MYO15A: variants seen among roughly 807,000 people sequenced by gnomAD.
MYO15A encodes unconventional myosin-XV.
MYO15A carries 308 observed loss-of-function variants against 394.6 expected under a neutral mutation model. The observed-to-expected ratio is 0.78, with a 90% CI of 0.71 to 0.86. The LOEUF (loss-of-function observed/expected upper bound fraction) is 0.86. MYO15A is among the 40% of genes least tolerant of loss of function. The pLI, the probability that MYO15A is intolerant of heterozygous loss-of-function variation, is 0.00. For missense variants in MYO15A, 4,606 were observed against 4,799.1 expected (o/e 0.96, Z 1.19); for synonymous variants, 1,957 against 2,003.8 (o/e 0.98, Z 0.62).
intron 63 of MYO15A, 28 bp from the exon 64 acceptor site, chr17:18,172,129 G>GT (rs1451655018): frequency 6.2e-7 from 1 of 1,613,706 alleles, no homozygotes; most frequent in Non-Finnish European, 8.5e-7. Flanking sequence ...TGCCCAGCAC[G>GT]TAACTGCCAC....
intron 10 of MYO15A, 109 bp downstream of exon 10, chr17:18,131,640 G>A (rs867318577): frequency 1.6e-5 from 21 of 1,290,286 alleles, no homozygotes; most frequent in African/African-American, 2.9e-5. Flanking sequence ...ATTAATGAAC[G>A]AATACATGCG....
At position 18,120,669 on chromosome 17, in the gene MYO15A, C is replaced by G; in HGVS notation, c.1869C>G (p.Gly623=). ...KLAGMDPEKP[G]TPIVLRRAQP... is the part of the protein sequence containing the mutation. ...CTGGCATGGACCCCGAGAAGCCCGG[C>G]ACGCCCATCGTGCTGAGGAGGGCCC... The change falls in exon 2 of 66, where the codon GGC becomes GGG. Residue 623 remains glycine, a synonymous_variant. Coordinates refer to ENST00000647165, the MANE Select transcript of MYO15A (RefSeq NM_016239.4). The G allele has an allele frequency of 6.3e-7, 1 of 1,584,934 alleles. No individual in the cohort carries two copies. Among genetic ancestry groups the G allele is most frequent in the East Asian group, 2.3e-5 (1 of 43,832 alleles).
chr17:18,121,020 GC>G lies in MYO15A; in HGVS notation c.2224del (p.Arg742AspfsTer39). 6.6e-7 allele frequency: 1 copy of G among 1,508,580 alleles called. No homozygotes were observed. The allele number at this position is 1,508,580 out of a possible 1,614,324, so 93.4% of individuals were successfully genotyped here. On this transcript the variant is annotated frameshift_variant, in exon 2 of 66. Coordinates refer to ENST00000647165, the MANE Select transcript of MYO15A (RefSeq NM_016239.4). LOFTEE classifies it high-confidence loss of function. The surrounding 1 kb of genome is among the most constrained non-coding windows in gnomAD (Gnocchi z 5.3). ...VPPDLLAFPG[P>X]RPSFRGSRRR... ...CCCCCGACCTACTAGCCTTCCCAGG[GC>G]CCCGACCCTCGTTCAGGGGCTCCCG...
At position 18,110,508 on chromosome 17, in the gene MYO15A, G is replaced by A. The variant is rs540865975; in HGVS notation, c.-220+1684G>A. ...CCGACTTCAGGAGGTTGTAGTGAGA[G>A]TTGAGGTCTGTGTGGCCTGGCCGTT... On this transcript the variant is annotated intron_variant, in intron 1 of 65. Coordinates refer to ENST00000647165, the MANE Select transcript of MYO15A (RefSeq NM_016239.4). The A allele has an allele frequency of 6.6e-5, 10 of 152,370 alleles. No homozygotes were observed. The East Asian group carries it at 1.9e-3, about 29-fold the overall frequency. 9.4% of individuals were successfully genotyped at this position (152,370 alleles called of 1,614,324 possible). A position where few individuals can be genotyped will look rare whatever the true frequency, so the allele number is the denominator to read the frequency against.
In MYO15A at chr17:18,151,150, C is replaced by T. The variant is rs2046573926; in HGVS notation, c.7514C>T (p.Thr2505Ile). Residue 2505 changes from threonine (T) to isoleucine (I), a missense_variant, in exon 39 of 66, where the codon ACC becomes ATC. Thr to Ile is a moderately conservative substitution (Grantham distance 89). This residue lies in a region of MYO15A where 2,776 missense variants were observed against 3,109.3 expected (regional missense o/e 0.89). Transcript: ENST00000647165. ...APEAQPTSVG[T>I]GPPAKPVLLR... Reference sequence around the variant, plus strand: ...GAGGCACAGCCGACGTCTGTAGGCACCGGTCCCCCTGCCAAACCCGTGCTC... The same window carrying T: ...GAGGCACAGCCGACGTCTGTAGGCATCGGTCCCCCTGCCAAACCCGTGCTC... 1.2e-6 allele frequency: 2 copies of T among 1,613,904 alleles called. No individual in the cohort carries two copies. The highest frequency in any genetic ancestry group is 1.7e-6 in the Non-Finnish European group (2 of 1,180,012).
chr17:18,141,620 A>G (rs776901350), intron 22 of MYO15A, 33 bp from the exon 23 acceptor site: 10 of 1,602,582 alleles, frequency 6.2e-6, no homozygotes, highest in Middle Eastern at 1.7e-4. Flanking sequence ...GGTAGGTCTC[A>G]TAGCCCCAGA....
At position 18,173,822 on chromosome 17, in the gene MYO15A, G is replaced by C; in HGVS notation, c.10392G>C (p.Thr3464=). The part of the protein sequence containing the change: ...VKFPLKEIQS[T]RTQRPTANSS... ...TCCCCCTGAAGGAGATCCAGTCGAC[G>C]CGGACCCAGCGGCCCACGGCCAACT... Residue 3464 remains threonine (T), a synonymous_variant, in exon 65 of 66, where the codon ACG becomes ACC. Transcript: ENST00000647165. 1.2e-6 allele frequency: 2 copies of C among 1,614,006 alleles called. No homozygotes were observed. The highest frequency in any genetic ancestry group is 2.7e-5 in the African/African-American group (2 of 75,064).
At chr17:18,139,840 G>T (rs1250621247) in intron 19 of MYO15A, among the ~76,000 whole-genome samples, 1 of 152,158 alleles carries the variant, frequency 6.6e-6, no homozygotes, top group East Asian at 1.9e-4. Flanking sequence ...GCTCCCCACA[G>T]CCCCAGTGGC....
intron 45 of MYO15A, 93 bp from the exon 46 acceptor site, chr17:18,155,017 C>T: frequency 8.2e-7 from 1 of 1,221,680 alleles, no homozygotes; most frequent in Admixed American, 2.0e-5. Context: ...TACCTTCTTG[C>T]TGGGTATCAG....
Position 18,119,008 on chromosome 17 carries a change from A to C in MYO15A, c.208A>C (p.Thr70Pro), listed in dbSNP as rs1567617999. The change falls in exon 2 of 66, where the codon ACC (threonine) becomes CCC (proline). Residue 70 changes from threonine (T) to proline (P), a missense_variant. Thr to Pro is a conservative substitution (Grantham distance 38, BLOSUM62 -1). Around this residue, in one of 2 missense-constraint regions of MYO15A, gnomAD observed 1,830 missense variants for 1,689.7 expected, o/e 1.08. Transcript: ENST00000647165. ...FWGLHTGPQK[T>P]KRKRKARTVL... ...GGGCCTCCACACCGGCCCCCAGAAG[A>C]CCAAGCGCAAGAGGAAGGCCCGCAC... 5 of 1,612,656 alleles carry C rather than the reference A, an allele frequency of 3.1e-6. No individual in the cohort carries two copies. The African/African-American group carries it at 5.3e-5, about 17-fold the overall frequency.
Position 18,166,405 on chromosome 17 carries a change from G to A in MYO15A, c.9832G>A (p.Val3278Met). The A allele has an allele frequency of 3.1e-6, 5 of 1,614,002 alleles. No individual in the cohort carries two copies. Among genetic ancestry groups the A allele is most frequent in the Non-Finnish European group, 4.2e-6 (5 of 1,180,040 alleles). Residue 3278 changes from valine to methionine, a missense_variant, in exon 61 of 66, where the codon GTG (valine) becomes ATG (methionine). Val to Met is a conservative substitution (Grantham distance 21). Around this residue, in one of 2 missense-constraint regions of MYO15A, gnomAD observed 2,776 missense variants for 3,109.3 expected, o/e 0.89. Coordinates refer to ENST00000647165, the MANE Select transcript of MYO15A (RefSeq NM_016239.4). ...CAGTCGCCGTGCTTACATCCTGGAT[G>A]TGGCCTCAGAGATGGAGCAGGTGGA... ...PLSRRAYILD[V>M]ASEMEQVDGG...
At chr17:18,151,025 A>G (rs1271823894) in intron 38 of MYO15A, 85 bp from the exon 39 acceptor site, 6 of 1,607,526 alleles carry the variant, frequency 3.7e-6, no homozygotes, top group Non-Finnish European at 4.2e-6. Context: ...GGAGCTCCAC[A>G]ACCCATCTCT....
chr17:18,138,141 C>T lies in MYO15A; in HGVS notation c.4902C>T (p.Asp1634=), dbSNP rs374829406. ...EQEEYIREQI[D]WQEITFADNQ... ...AGGAGTACATCCGTGAGCAGATAGA[C>T]TGGCAGGAGATCACCTTTGCTGACA... is the stretch of plus-strand genomic sequence containing the variant. The change falls in exon 17 of 66, where the codon GAC becomes GAT. Residue 1634 remains aspartate (D), a synonymous_variant. Coordinates refer to ENST00000647165, the MANE Select transcript of MYO15A (RefSeq NM_016239.4). 108 of 1,613,006 alleles carry T rather than the reference C, an allele frequency of 6.7e-5. No homozygotes were observed. Among genetic ancestry groups the T allele is most frequent in the Non-Finnish European group, 8.8e-5 (104 of 1,180,046 alleles).
At position 18,148,671 on chromosome 17, in the gene MYO15A, G is replaced by A; in HGVS notation, c.6765-90G>A. Reference sequence around the variant, plus strand: ...GTCCCATAGGGTCCATTCTGTTCATGTTTAGGGTCTGGCTTATAACCCAGG... The same window carrying A: ...GTCCCATAGGGTCCATTCTGTTCATATTTAGGGTCTGGCTTATAACCCAGG... On this transcript the variant is annotated intron_variant, in intron 32 of 65. Transcript: ENST00000647165. This position sits in a 1 kb window ranked among gnomAD's most constrained non-coding sequence, Gnocchi z 4.8. The A allele has an allele frequency of 1.9e-6, 3 of 1,546,850 alleles. No homozygotes were observed. Among genetic ancestry groups the A allele is most frequent in the East Asian group, 4.9e-5 (2 of 40,908 alleles).
chr17:18,168,188 CT>C (rs1293716414), intron 62 of MYO15A, among the ~76,000 whole-genome samples: 4 of 152,128 alleles, frequency 2.6e-5, no homozygotes, highest in Non-Finnish European at 4.4e-5. Context: ...TTTTCTCTTT[CT>C]TTTTTTAAAA....
At chr17:18,139,659 C>A (rs1323554003) in intron 19 of MYO15A, 48 bp downstream of exon 19, 1 of 1,416,616 alleles carries the variant, frequency 7.1e-7, no homozygotes, top group Non-Finnish European at 9.7e-7. Context: ...GGCATGTCCC[C>A]ACCCCCACAC....
In MYO15A at chr17:18,143,418, T is replaced by C. The variant is rs867921472; in HGVS notation, c.5911-148T>C. ...GCCAACCTCAGCCTCCCGCCCCACC[T>C]GTGGAGTGGGGCAGTCACCTCCACA... is the stretch of plus-strand genomic sequence containing the variant. On this transcript the variant is annotated intron_variant, in intron 25 of 65. Coordinates refer to ENST00000647165, the MANE Select transcript of MYO15A (RefSeq NM_016239.4). 13 of 874,836 alleles carry C rather than the reference T, an allele frequency of 1.5e-5. No individual in the cohort carries two copies. In the Middle Eastern group the frequency reaches 9.7e-4, roughly 66 times the overall value. The allele number at this position is 874,836 out of a possible 1,614,324, so 54.2% of individuals were successfully genotyped here.
rs1453636560 is a variant in MYO15A, at chr17:18,130,814, CTCAG to C, written c.4038+6_4038+9del. On this transcript the variant is annotated splice_donor_5th_base_variant and intron_variant, in intron 8 of 65. Coordinates refer to ENST00000647165, the MANE Select transcript of MYO15A (RefSeq NM_016239.4). ...CTGGACGCTCTTGAAGATAAAGGTACTCAGTGTGTGTGTGTGTGTGTGTGTGTGT... is the reference window on the plus strand; with the variant it reads ...CTGGACGCTCTTGAAGATAAAGGTACTGTGTGTGTGTGTGTGTGTGTGTGT... 1.4e-6 allele frequency: 2 copies of C among 1,449,868 alleles called. No individual in the cohort carries two copies. Among genetic ancestry groups the C allele is most frequent in the Admixed American group, 3.8e-5 (2 of 52,666 alleles). 89.8% of individuals were successfully genotyped at this position (1,449,868 alleles called of 1,614,324 possible).
In MYO15A at chr17:18,171,630, G is replaced by A. The variant is rs530491609; in HGVS notation, c.10083-8G>A. 1.2e-4 allele frequency: 191 copies of A among 1,613,810 alleles called. No individual in the cohort carries two copies. The South Asian group carries it at 1.2e-3, about 10-fold the overall frequency. Reference sequence around the variant, plus strand: ...CTCAGGACCTTTTTCCCCTTCCTCCGTACACAGGCGGGAAGTCCAGGAGTA... The same window carrying A: ...CTCAGGACCTTTTTCCCCTTCCTCCATACACAGGCGGGAAGTCCAGGAGTA... On this transcript the variant is annotated splice_polypyrimidine_tract_variant and splice_region_variant and intron_variant, in intron 62 of 65. Coordinates refer to ENST00000647165, the MANE Select transcript of MYO15A (RefSeq NM_016239.4).
Sources: allele counts gnomAD v4.1 joint callset (sites outside exome capture counted in the v4.1 genomes callset), GRCh38; gene constraint gnomAD v4.1.1; regional missense constraint gnomAD v4.1.1; non-coding constraint Gnocchi (gnomAD v3.1); transcripts MANE v1.5; gene names NCBI Gene and HGNC (gene_info 2026-07-23, HGNC 2026-07-21).